SYNGR1: variants seen among roughly 807,000 people sequenced by gnomAD.
SYNGR1 encodes synaptogyrin 1.
SYNGR1 carries 14 observed loss-of-function variants against 26.1 expected under a neutral mutation model. The observed-to-expected ratio is 0.54, with a 90% confidence interval of 0.35 to 0.84. The LOEUF (loss-of-function observed/expected upper bound fraction) is 0.84, where lower values mean the gene tolerates loss of function less well. SYNGR1 is among the 40% of genes least tolerant of loss of function. SYNGR1 has a pLI of 0.01. For missense variants in SYNGR1, 319 were observed against 332.9 expected, an observed-to-expected ratio of 0.96 and a Z score of 0.33; for synonymous variants, 141 against 150.1, an observed-to-expected ratio of 0.94 and a Z score of 0.44.
intron 1 of SYNGR1, among the ~76,000 whole-genome samples, chr22:39,368,078 G>GA (rs1342418897): frequency 2.0e-5 from 3 of 152,146 alleles, no homozygotes; most frequent in Non-Finnish European, 4.4e-5. Context: ...CCTTTTCCCT[G>GA]GCCATCACTG....
At chr22:39,380,616 CTTTTTTTT>C (rs58877789) in intron 3 of SYNGR1, among the ~76,000 whole-genome samples, 1 of 69,976 alleles carries the variant, frequency 1.4e-5, no homozygotes, top group African/African-American at 7.2e-5. Flanking sequence ...CCAAGCTGGC[CTTTTTTTT>C]TTTTTTTTTT....
chr22:39,366,908 G>A (rs902193773), intron 1 of SYNGR1, among the ~76,000 whole-genome samples: 3 of 152,006 alleles, frequency 2.0e-5, no homozygotes, highest in East Asian at 1.9e-4. Context: ...CATCTTCCTC[G>A]CCAGCCTCGC....
chr22:39,362,369 C>T (rs1186943092), intron 1 of SYNGR1, among the ~76,000 whole-genome samples: 1 of 152,050 alleles, frequency 6.6e-6, no homozygotes, highest in Non-Finnish European at 1.5e-5. Flanking sequence ...GAGATTACGC[C>T]TAATCCCCAG....
Position 39,374,737 on chromosome 22 carries a change from A to G in SYNGR1, c.337+184A>G, listed in dbSNP as rs979683074. The G allele has an allele frequency of 7.5e-6, 5 of 666,104 alleles. No individual in the cohort carries two copies. In the Middle Eastern group the frequency reaches 1.4e-3, roughly 184 times the overall value. The allele number at this position is 666,104 out of a possible 1,614,324, so 41.3% of individuals were successfully genotyped here. A position where few individuals can be genotyped will look rare whatever the true frequency, so the allele number is the denominator to read the frequency against. On this transcript the variant is annotated intron_variant, in intron 2 of 3. Transcript: ENST00000328933. ...GGATGGGACCAGGACAGGGCCTGGG[A>G]CCCCAAAATAACCCATGCTGCCCAC... is the stretch of plus-strand genomic sequence containing the variant.
chr22:39,351,437 C>T (rs1569172383), intron 1 of SYNGR1, among the ~76,000 whole-genome samples: 1 of 152,238 alleles, frequency 6.6e-6, no homozygotes, highest in Non-Finnish European at 1.5e-5. Context: ...ACCCTTGTGT[C>T]GGTGCCTGCA....
intron 1 of SYNGR1, among the ~76,000 whole-genome samples, chr22:39,366,633 G>A (rs1334334658): frequency 6.6e-6 from 1 of 152,000 alleles, no homozygotes; most frequent in Non-Finnish European, 1.5e-5. Context: ...GCAACAGAGC[G>A]AGACTCCATC....
chr22:39,371,368 C>T (rs910041526), intron 1 of SYNGR1, among the ~76,000 whole-genome samples: 10 of 150,962 alleles, frequency 6.6e-5, no homozygotes, highest in Admixed American at 2.0e-4. Flanking sequence ...CCCAGCTACT[C>T]GGGAGGCTGA....
chr22:39,374,215 CG>C, intron 1 of SYNGR1, 100 bp from the exon 2 acceptor site: 1 of 1,099,546 alleles, frequency 9.1e-7, no homozygotes. Flanking sequence ...TTGTAGCTCA[CG>C]GAGGGCCAGG....
At chr22:39,357,330 G>T (rs1306440456) in intron 1 of SYNGR1, among the ~76,000 whole-genome samples, 1 of 152,188 alleles carries the variant, frequency 6.6e-6, no homozygotes, top group Non-Finnish European at 1.5e-5. Flanking sequence ...AGCAGAGGGG[G>T]CACTGGGCCC....
chr22:39,378,118 C>T, intron 3 of SYNGR1: 1 of 1,167,414 alleles, frequency 8.6e-7, no homozygotes. Flanking sequence ...TAGCCTCTCC[C>T]TTCACAGCGG....
At chr22:39,381,389 C>T (rs1039853509) in intron 3 of SYNGR1, among the ~76,000 whole-genome samples, 3 of 152,200 alleles carry the variant, frequency 2.0e-5, no homozygotes, top group Non-Finnish European at 4.4e-5. Flanking sequence ...CATCTTAACA[C>T]TCCATAATGG....
rs933822156 is a variant in SYNGR1 at position 39,382,362 on chromosome 22, T to A, written c.*448T>A. On this transcript the variant is annotated 3_prime_UTR_variant, in exon 4 of 4. Transcript: ENST00000328933. ...GAAGTGTGGCTACACCGTGGCTTGGTCATAGGGTGAGTGTAAACACCCACA... is the reference window on the plus strand; with the variant it reads ...GAAGTGTGGCTACACCGTGGCTTGGACATAGGGTGAGTGTAAACACCCACA... 2 of 259,152 alleles carry A rather than the reference T, an allele frequency of 7.7e-6. No homozygotes were observed. Among genetic ancestry groups the A allele is most frequent in the Non-Finnish European group, 7.7e-6 (1 of 129,878 alleles). The allele number at this position is 259,152 out of a possible 1,614,324, so 16.1% of individuals were successfully genotyped here. A position where few individuals can be genotyped will look rare whatever the true frequency, so the allele number is the denominator to read the frequency against.
At position 39,358,898 on chromosome 22, in the gene SYNGR1, T is replaced by G. The variant is rs112634449; in HGVS notation, c.99+8789T>G. Among the ~76,000 whole-genome samples the G allele has an allele frequency of 2.2e-3, 334 of 152,354 alleles. 2 individuals carry two copies. The highest frequency in any genetic ancestry group is 7.8e-3 in the African/African-American group (323 of 41,590). ...AGAGTTTTGCTCATCTCCCCGCTGCTGGTGGAGCAGGGGCCAGGTGAAGGG... is the reference window on the plus strand; with the variant it reads ...AGAGTTTTGCTCATCTCCCCGCTGCGGGTGGAGCAGGGGCCAGGTGAAGGG... On this transcript the variant is annotated intron_variant, in intron 1 of 3. Transcript: ENST00000328933.
At position 39,383,257 on chromosome 22, in the gene SYNGR1, A is replaced by C. The variant is rs2092811486; in HGVS notation, c.*1343A>C. The C allele has an allele frequency of 6.6e-6, 1 of 152,326 alleles. No individual in the cohort carries two copies. Among genetic ancestry groups the C allele is most frequent in the Admixed American group, 6.5e-5 (1 of 15,280 alleles). The allele number at this position is 152,326 out of a possible 1,614,324, so 9.4% of individuals were successfully genotyped here. A position where few individuals can be genotyped will look rare whatever the true frequency, so the allele number is the denominator to read the frequency against. Reference sequence around the variant, plus strand: ...CAGAGCGGCAAGGACAGGGCTTTGGAATCAGCCAGGTCGGCTCCTGGGCTG... The same window carrying C: ...CAGAGCGGCAAGGACAGGGCTTTGGCATCAGCCAGGTCGGCTCCTGGGCTG... On this transcript the variant is annotated 3_prime_UTR_variant, in exon 4 of 4. Transcript: ENST00000328933.
rs1436135906 is a variant in SYNGR1 at position 39,383,717 on chromosome 22, GC to G, written c.*1804del. The G allele has an allele frequency of 2.6e-5, 4 of 152,352 alleles. No individual in the cohort carries two copies. Among genetic ancestry groups the G allele is most frequent in the Admixed American group, 2.0e-4 (3 of 15,282 alleles). 9.4% of individuals were successfully genotyped at this position (152,352 alleles called of 1,614,324 possible). A position where few individuals can be genotyped will look rare whatever the true frequency, so the allele number is the denominator to read the frequency against. On this transcript the variant is annotated 3_prime_UTR_variant, in exon 4 of 4. Coordinates refer to ENST00000328933, the MANE Select transcript of SYNGR1 (RefSeq NM_004711.5). The stretch of plus-strand genomic sequence containing the variant: ...GGCCCCTGTGCTGGAGATACCAAGG[GC>G]ATGGGTGGTCCCTGCTTCGATGGCC...
At chr22:39,366,597 G>C (rs1461999962) in intron 1 of SYNGR1, among the ~76,000 whole-genome samples, 1 of 152,052 alleles carries the variant, frequency 6.6e-6, no homozygotes, top group African/African-American at 2.4e-5. Context: ...AGTGAGCTGA[G>C]ATTGCGCCCC....
intron 1 of SYNGR1, among the ~76,000 whole-genome samples, chr22:39,360,906 G>A (rs887557544): frequency 6.6e-6 from 1 of 152,226 alleles, no homozygotes; most frequent in Non-Finnish European, 1.5e-5. Flanking sequence ...CTTGGAGGGC[G>A]AGAACTGCAT....
intron 1 of SYNGR1, among the ~76,000 whole-genome samples, chr22:39,373,466 C>T (rs567065527): frequency 6.6e-6 from 1 of 151,682 alleles, no homozygotes; most frequent in South Asian, 2.1e-4. Context: ...ACGCCTGGCC[C>T]GAGAGTTTTT....
Position 39,381,984 on chromosome 22 carries a change from C to A in SYNGR1, c.*70C>A. On this transcript the variant is annotated 3_prime_UTR_variant, in exon 4 of 4. Coordinates refer to ENST00000328933, the MANE Select transcript of SYNGR1 (RefSeq NM_004711.5). The stretch of plus-strand genomic sequence containing the variant: ...TCTCCACACCCAGCCCCTGCTCCTG[C>A]CCAGGCTGCCCTGCCCAGCGCCTCA... The A allele has an allele frequency of 6.7e-7, 1 of 1,495,566 alleles. No individual in the cohort carries two copies. Among genetic ancestry groups the A allele is most frequent in the Non-Finnish European group, 9.0e-7 (1 of 1,105,994 alleles). The allele number at this position is 1,495,566 out of a possible 1,614,324, so 92.6% of individuals were successfully genotyped here.
Sources: gnomAD v4.1 joint callset for allele counts (sites outside exome capture counted in the v4.1 genomes callset) on GRCh38, gnomAD v4.1.1 for gene constraint, MANE v1.5 for transcripts, NCBI Gene and HGNC (gene_info 2026-07-23, HGNC 2026-07-21) for gene names.